DMD: variants seen among roughly 807,000 people sequenced by gnomAD.
DMD encodes dystrophin, also known as mutant dystrophin.
Under a neutral mutation model 330.1 loss-of-function variants are expected in DMD, and 63 were observed. The observed-to-expected ratio is 0.19, with a 90% CI of 0.16 to 0.24. The LOEUF is 0.24. Ranked by LOEUF, DMD falls within the 10% of genes least tolerant of loss-of-function variation. The pLI, the probability that DMD is intolerant of heterozygous loss-of-function variation, is 1.00. For missense variants in DMD, 3,344 were observed against 2,684.1 expected (o/e 1.25, Z -5.43); for synonymous variants, 1,223 against 959.8 (o/e 1.27, Z -5.07).
intron 57 of DMD, among the ~76,000 whole-genome samples, chrX:31,486,227 G>A (rs2068794753): frequency 8.9e-6 from 1 of 112,521 alleles, no homozygotes; most frequent in Admixed American, 9.4e-5. Flanking sequence ...CCATAGCTTG[G>A]CATATAGTAA....
intron 1 of DMD, chrX:33,339,190 A>T (rs1460831897): frequency 2.0e-6 from 2 of 1,008,076 alleles, no homozygotes; most frequent in Non-Finnish European, 2.6e-6. Flanking sequence ...CTGCTTGTTC[A>T]AACATATGCT....
intron 1 of DMD, among the ~76,000 whole-genome samples, chrX:33,246,955 A>G (rs1201205071): frequency 9.0e-6 from 1 of 111,402 alleles, no homozygotes; most frequent in African/African-American, 3.3e-5. Flanking sequence ...AAGTGCTGGC[A>G]TTACGGGCAT....
intron 13 of DMD, among the ~76,000 whole-genome samples, chrX:32,592,002 G>A (rs1003472430): frequency 2.7e-5 from 3 of 112,408 alleles, no homozygotes; most frequent in East Asian, 2.8e-4. Context: ...CCTTGCGCCC[G>A]TCTGGACTTT....
intron 2 of DMD, among the ~76,000 whole-genome samples, chrX:32,916,248 T>C (rs1315925481): frequency 9.0e-6 from 1 of 111,695 alleles, no homozygotes; most frequent in Non-Finnish European, 1.9e-5. Context: ...TTTTGAACTA[T>C]TTCTATTAAC....
chrX:32,451,977 G>A, intron 26 of DMD, among the ~76,000 whole-genome samples: 1 of 110,077 alleles, frequency 9.1e-6, no homozygotes, highest in East Asian at 2.9e-4. Context: ...AAATTTGTTG[G>A]AACACTCATT....
intron 16 of DMD, among the ~76,000 whole-genome samples, chrX:32,556,326 G>A (rs922561769): frequency 5.4e-4 from 60 of 111,075 alleles, no homozygotes; most frequent in African/African-American, 2.0e-3. Flanking sequence ...AGATGCTGGT[G>A]AGGTTGTGGA....
chrX:32,160,422 TG>T (rs1406891905), intron 44 of DMD, among the ~76,000 whole-genome samples: 1 of 109,627 alleles, frequency 9.1e-6, no homozygotes, highest in Non-Finnish European at 1.9e-5. Context: ...TTAGTAGAGA[TG>T]GGGGTTTTAC....
chrX:32,269,109 C>T (rs999310291), intron 43 of DMD, among the ~76,000 whole-genome samples: 3 of 111,113 alleles, frequency 2.7e-5, no homozygotes, highest in Admixed American at 9.6e-5. Context: ...CTCCCGCGTG[C>T]GCACTAAGAG....
chrX:33,140,590 A>G (rs988496189), intron 1 of DMD, among the ~76,000 whole-genome samples: 1 of 112,436 alleles, frequency 8.9e-6, no homozygotes, highest in Non-Finnish European at 1.9e-5. Flanking sequence ...TGGACTAAAT[A>G]ACTTTGTTTC....
chrX:32,054,285 T>C (rs1455925139), intron 44 of DMD, among the ~76,000 whole-genome samples: 1 of 98,344 alleles, frequency 1.0e-5, no homozygotes, highest in Non-Finnish European at 2.0e-5. Flanking sequence ...GTTGGTGTCC[T>C]GCACCCATTA....
intron 47 of DMD, among the ~76,000 whole-genome samples, chrX:31,929,126 A>C (rs989176809): frequency 8.9e-6 from 1 of 112,200 alleles, no homozygotes; most frequent in African/African-American, 3.2e-5. Flanking sequence ...ATGAAAACTC[A>C]CAAGTTAATA....
At chrX:32,763,902 TAA>T (rs1388119839) in intron 7 of DMD, among the ~76,000 whole-genome samples, 1 of 111,481 alleles carries the variant, frequency 9.0e-6, no homozygotes, top group East Asian at 2.8e-4. Context: ...GATTATCTGT[TAA>T]AAAAGACCCC....
chrX:32,145,573 A>G, intron 44 of DMD, among the ~76,000 whole-genome samples: 1 of 112,448 alleles, frequency 8.9e-6, no homozygotes, highest in African/African-American at 3.2e-5. Context: ...GTTCACCTCA[A>G]ATACTATATT....
intron 54 of DMD, among the ~76,000 whole-genome samples, chrX:31,656,594 A>G (rs772167592): frequency 1.8e-5 from 2 of 112,145 alleles, no homozygotes; most frequent in African/African-American, 6.5e-5. Context: ...TTTCCCACTA[A>G]GATCTAATGG....
At chrX:32,559,676 G>C (rs1012467245) in intron 16 of DMD, among the ~76,000 whole-genome samples, 2 of 111,680 alleles carry the variant, frequency 1.8e-5, no homozygotes, top group Non-Finnish European at 3.8e-5. Context: ...ACTCAGAAAA[G>C]AAGAACATGT....
intron 17 of DMD, among the ~76,000 whole-genome samples, chrX:32,523,627 C>A (rs1047120109): frequency 2.7e-5 from 3 of 112,027 alleles, no homozygotes; most frequent in African/African-American, 9.7e-5. Context: ...TACTCTTTAT[C>A]AACTCTAAGC....
chrX:31,470,734 T>C (rs1378856391), intron 59 of DMD, among the ~76,000 whole-genome samples: 3 of 112,160 alleles, frequency 2.7e-5, no homozygotes, highest in Non-Finnish European at 5.6e-5. Context: ...TTAAGTCTGC[T>C]GATGCTGCAC....
intron 1 of DMD, among the ~76,000 whole-genome samples, chrX:33,033,601 C>G (rs1359940504): frequency 2.8e-5 from 3 of 106,558 alleles, no homozygotes; most frequent in Non-Finnish European, 3.8e-5. Context: ...CACCTGTAGT[C>G]TCAGCTACTT....
intron 43 of DMD, among the ~76,000 whole-genome samples, chrX:32,271,996 C>A (rs1363214503): frequency 9.0e-6 from 1 of 111,449 alleles, no homozygotes; most frequent in Non-Finnish European, 1.9e-5. Context: ...TTTAAGGGCT[C>A]ATCAATAAAA....
Sources: gnomAD v4.1 joint callset for allele counts (sites outside exome capture counted in the v4.1 genomes callset) on GRCh38, gnomAD v4.1.1 for gene constraint, MANE v1.5 for transcripts, NCBI Gene and HGNC (gene_info 2026-07-23, HGNC 2026-07-21) for gene names.